The following HERC3 variants were observed in gnomAD, a reference collection of about 807,000 sequenced individuals.
HERC3 encodes HECT and RLD domain containing E3 ubiquitin protein ligase 3.
Under a neutral mutation model 129.9 loss-of-function variants are expected in HERC3, and 58 were observed. The ratio of observed to expected loss-of-function variants is 0.45; its 90% CI spans 0.36 to 0.56. The LOEUF (loss-of-function observed/expected upper bound fraction) is 0.56, where lower values mean the gene tolerates loss of function less well. Among genes scored for constraint, HERC3 ranks in the 20% least tolerant of loss-of-function variants. The probability of loss-of-function intolerance (pLI) is 0.00; values close to 1 mark genes in which losing one functional copy is unlikely to be tolerated. For missense variants in HERC3, 835 were observed against 1,244.2 expected, an observed-to-expected ratio of 0.67 and a Z score of 4.95; for synonymous variants, 430 against 451.0, an observed-to-expected ratio of 0.95 and a Z score of 0.59.
At chr4:88,670,338 A>G (rs1024177284) in intron 16 of HERC3, 86 bp downstream of exon 16, 1 of 865,548 alleles carries the variant, frequency 1.2e-6, no homozygotes, top group African/African-American at 1.7e-5. Flanking sequence ...TTTGACTTTG[A>G]TGTCAGTGTG....
At chr4:88,594,220 T>A (rs981418088) in intron 1 of HERC3, among the ~76,000 whole-genome samples, 7 of 152,252 alleles carry the variant, frequency 4.6e-5, no homozygotes, top group African/African-American at 9.6e-5. Flanking sequence ...CATTTCATTC[T>A]GAAGACCAAA....
At chr4:88,703,725 T>C (rs571748402) in intron 23 of HERC3, among the ~76,000 whole-genome samples, 104 of 152,298 alleles carry the variant, frequency 6.8e-4, no homozygotes, top group African/African-American at 2.4e-3. Context: ...AGAACTGTTA[T>C]CCTAGACTTT....
chr4:88,573,844 C>T, the HERC3 span, among the ~76,000 whole-genome samples: 1 of 152,200 alleles, frequency 6.6e-6, no homozygotes, highest in South Asian at 2.1e-4. Flanking sequence ...ATTTGTCAGT[C>T]TGTTGCTAGG....
the HERC3 span, among the ~76,000 whole-genome samples, chr4:88,560,286 G>C: frequency 6.6e-6 from 1 of 152,092 alleles, no homozygotes; most frequent in South Asian, 2.1e-4. Flanking sequence ...GCCATCCTAA[G>C]GGGTGTGAGG....
chr4:88,530,478 A>G, the HERC3 span, among the ~76,000 whole-genome samples: 2 of 152,368 alleles, frequency 1.3e-5, no homozygotes, highest in East Asian at 3.9e-4. Flanking sequence ...CCTAAGGCCT[A>G]AGGAGGGCTT....
the HERC3 span, among the ~76,000 whole-genome samples, chr4:88,560,547 T>G: frequency 1.3e-5 from 2 of 152,166 alleles, no homozygotes; most frequent in Non-Finnish European, 2.9e-5. Context: ...CTATTTCTTT[T>G]TCCTGATTAT....
At chr4:88,578,507 G>A in the HERC3 span, among the ~76,000 whole-genome samples, 2 of 151,796 alleles carry the variant, frequency 1.3e-5, no homozygotes, top group South Asian at 4.2e-4. Context: ...GCTTGAACCC[G>A]GGGGGTGGAG....
At chr4:88,551,664 G>C in the HERC3 span, among the ~76,000 whole-genome samples, 2 of 152,110 alleles carry the variant, frequency 1.3e-5, no homozygotes, top group Non-Finnish European at 2.9e-5. Context: ...GGAGAAATAA[G>C]AACACTTTTA....
chr4:88,585,912 G>T, the HERC3 span, among the ~76,000 whole-genome samples: 4 of 152,176 alleles, frequency 2.6e-5, no homozygotes, highest in East Asian at 5.8e-4. Flanking sequence ...TAATAAGAAA[G>T]ATTTTTTAAA....
chr4:88,691,579 TC>T (rs1734081377), intron 23 of HERC3, among the ~76,000 whole-genome samples: 2 of 152,156 alleles, frequency 1.3e-5, no homozygotes, highest in Admixed American at 6.5e-5. Flanking sequence ...AGGACACCAG[TC>T]CCATTCATGG....
At chr4:88,623,407 C>T (rs1193703301) in intron 3 of HERC3, among the ~76,000 whole-genome samples, 3 of 152,162 alleles carry the variant, frequency 2.0e-5, no homozygotes, top group African/African-American at 7.2e-5. Context: ...CTGGGTTTAC[C>T]TCACTATACT....
At chr4:88,622,829 T>G (rs1322749235) in intron 3 of HERC3, among the ~76,000 whole-genome samples, 2 of 152,066 alleles carry the variant, frequency 1.3e-5, no homozygotes, top group African/African-American at 4.8e-5. Context: ...CTCGGGAGGC[T>G]GAGGCAGGAG....
chr4:88,604,023 C>CT (rs60127795), intron 2 of HERC3, among the ~76,000 whole-genome samples: 1,582 of 144,960 alleles, frequency 0.011, 12 homozygotes, highest in Middle Eastern at 0.025. Flanking sequence ...ATAAAATTTA[C>CT]TTTTTTTTTT....
intron 3 of HERC3, among the ~76,000 whole-genome samples, chr4:88,616,303 G>A (rs1578174310): frequency 6.6e-6 from 1 of 152,158 alleles, no homozygotes; most frequent in Non-Finnish European, 1.5e-5. Flanking sequence ...CTATGCAATT[G>A]TTACCATTAC....
At chr4:88,670,709 G>C (rs1301495677) in intron 16 of HERC3, among the ~76,000 whole-genome samples, 1 of 151,240 alleles carries the variant, frequency 6.6e-6, no homozygotes, top group African/African-American at 2.4e-5. Context: ...TGTTATGTTA[G>C]GTTTTTTTTT....
chr4:88,652,270 G>A (rs928892819), intron 5 of HERC3, among the ~76,000 whole-genome samples, 182 bp downstream of exon 5: 5 of 152,124 alleles, frequency 3.3e-5, no homozygotes, highest in Non-Finnish European at 4.4e-5. Flanking sequence ...TCAGGGTGTG[G>A]GTGATGAAGT....
At chr4:88,670,325 G>T (rs1002103918) in intron 16 of HERC3, 73 bp downstream of exon 16, 3 of 1,001,834 alleles carry the variant, frequency 3.0e-6, no homozygotes, top group Admixed American at 4.1e-5. Context: ...TGTATAATAT[G>T]TCTTTGACTT....
chr4:88,632,131 G>C (rs188586375), intron 3 of HERC3, among the ~76,000 whole-genome samples: 1 of 152,326 alleles, frequency 6.6e-6, no homozygotes, highest in East Asian at 1.9e-4. Context: ...GAGAGCCCAT[G>C]AATGCAACTC....
chr4:88,580,638 G>C, the HERC3 span, among the ~76,000 whole-genome samples: 2 of 152,132 alleles, frequency 1.3e-5, no homozygotes, highest in Non-Finnish European at 2.9e-5. Context: ...CTTATATGAG[G>C]GTTTGATTTT....
Sources: allele counts gnomAD v4.1 joint callset (sites outside exome capture counted in the v4.1 genomes callset), GRCh38; gene constraint gnomAD v4.1.1; transcripts MANE v1.5; gene names NCBI Gene and HGNC (gene_info 2026-07-23, HGNC 2026-07-21).